STK32B: variants seen among roughly 807,000 people sequenced by gnomAD.
The protein encoded by STK32B is serine/threonine-protein kinase 32B.
A neutral mutation model predicts 52.6 loss-of-function variants in STK32B; 43 were observed. The observed-to-expected ratio is 0.82, with a 90% CI of 0.64 to 1.05. STK32B has a LOEUF of 1.05. Ranked by LOEUF, STK32B falls within the 50% of genes least tolerant of loss-of-function variation. The probability of loss-of-function intolerance (pLI) is 0.00; values close to 1 mark genes in which losing one functional copy is unlikely to be tolerated. For missense variants in STK32B, 621 were observed against 534.6 expected (o/e 1.16, Z -1.59); for synonymous variants, 238 against 204.3 (o/e 1.17, Z -1.41).
chr4:5,341,103 A>G (rs1733045524), intron 4 of STK32B, among the ~76,000 whole-genome samples: 1 of 152,204 alleles, frequency 6.6e-6, no homozygotes, highest in Non-Finnish European at 1.5e-5. Context: ...CAGAATGCTC[A>G]TAGAGTGAGT....
At chr4:5,458,378 C>T (rs1042230189) in intron 8 of STK32B, among the ~76,000 whole-genome samples, 1 of 152,164 alleles carries the variant, frequency 6.6e-6, no homozygotes, top group African/African-American at 2.4e-5. Context: ...GCGTTCTGGG[C>T]CATACGATGG....
intron 4 of STK32B, among the ~76,000 whole-genome samples, chr4:5,358,716 CACACACAGGCACACAA>C (rs1408434941): frequency 1.3e-5 from 2 of 152,076 alleles, no homozygotes; most frequent in Non-Finnish European, 2.9e-5. Context: ...CACACACACA[CACACACAGGCACACAA>C]AGGCACACAG....
intron 11 of STK32B, among the ~76,000 whole-genome samples, chr4:5,475,228 T>A (rs572720422): frequency 6.6e-6 from 1 of 152,100 alleles, no homozygotes; most frequent in South Asian, 2.1e-4. Flanking sequence ...AAGACCAGCC[T>A]GGCCAACATG....
rs57124781 is a variant in STK32B at position 5,312,437 on chromosome 4, C to T, written c.261-18783C>T. 1.2e-4 allele frequency among the ~76,000 whole-genome samples: 18 copies of T among 149,328 alleles called. 1 individual carries two copies. Among genetic ancestry groups the T allele is most frequent in the Admixed American group, 6.0e-4 (9 of 14,952 alleles). ...TATCTCCTAATGCTATCCCTCCCCC[C>T]TCCCCACACCCCACAACAGTCCCCA... On this transcript the variant is annotated intron_variant, in intron 3 of 11. Transcript: ENST00000282908.
chr4:5,154,086 T>A (rs940204906), intron 2 of STK32B, among the ~76,000 whole-genome samples: 1 of 152,152 alleles, frequency 6.6e-6, no homozygotes, highest in Non-Finnish European at 1.5e-5. Context: ...AATATCAAGA[T>A]GTACTGTGAA....
chr4:5,043,030 C>T, the STK32B span, among the ~76,000 whole-genome samples: 2 of 149,840 alleles, frequency 1.3e-5, no homozygotes, highest in Non-Finnish European at 3.0e-5. Context: ...GGCGTGAACC[C>T]GGGAAGCGGA....
chr4:5,408,306 G>A (rs916769520), intron 5 of STK32B, among the ~76,000 whole-genome samples: 2 of 152,066 alleles, frequency 1.3e-5, no homozygotes, highest in Non-Finnish European at 2.9e-5. Context: ...GCCTGGGGGT[G>A]TTCTCATGAA....
chr4:5,303,627 A>G (rs1363903480), intron 3 of STK32B, among the ~76,000 whole-genome samples: 3 of 151,980 alleles, frequency 2.0e-5, no homozygotes, highest in Admixed American at 6.6e-5. Context: ...CTGTCACTCT[A>G]TGGGTTCTCT....
intron 1 of STK32B, among the ~76,000 whole-genome samples, chr4:5,062,195 C>T (rs989927349): frequency 1.3e-5 from 2 of 152,162 alleles, no homozygotes; most frequent in Non-Finnish European, 2.9e-5. Flanking sequence ...AACAGAGCTT[C>T]GTGAAGAAGC....
At chr4:5,239,779 A>G (rs1220243500) in intron 3 of STK32B, among the ~76,000 whole-genome samples, 1 of 151,882 alleles carries the variant, frequency 6.6e-6, no homozygotes, top group Admixed American at 6.6e-5. Flanking sequence ...TTTTTCTGGA[A>G]TGAATGACTA....
chr4:5,040,100 T>C, the STK32B span, among the ~76,000 whole-genome samples: 21 of 152,292 alleles, frequency 1.4e-4, no homozygotes, highest in South Asian at 4.4e-3. Flanking sequence ...GGTGCATGTG[T>C]CATTTCTCAC....
intron 1 of STK32B, among the ~76,000 whole-genome samples, chr4:5,067,766 T>C (rs1742479201): frequency 6.6e-6 from 1 of 152,134 alleles, no homozygotes; most frequent in African/African-American, 2.4e-5. Context: ...TTCTGCAGGC[T>C]GTACAGGAAG....
At chr4:5,442,656 G>A (rs369595999) in intron 6 of STK32B, among the ~76,000 whole-genome samples, 4,361 of 152,062 alleles carry the variant, frequency 0.029, 73 homozygotes, top group South Asian at 0.085. Flanking sequence ...GATGATGTTA[G>A]CTGGTTATTT....
At chr4:5,196,646 G>A (rs796166491) in intron 3 of STK32B, among the ~76,000 whole-genome samples, 9 of 151,928 alleles carry the variant, frequency 5.9e-5, no homozygotes, top group Non-Finnish European at 2.9e-5. Context: ...GCTTGAACCC[G>A]GGAGGCGGAG....
chr4:5,456,311 C>T (rs1716515748), intron 7 of STK32B, among the ~76,000 whole-genome samples: 1 of 152,234 alleles, frequency 6.6e-6, no homozygotes, highest in Non-Finnish European at 1.5e-5. Context: ...GGCTGGGGTC[C>T]TCCCATCCCT....
intron 1 of STK32B, among the ~76,000 whole-genome samples, chr4:5,084,566 T>G (rs754245626): frequency 7.2e-5 from 11 of 152,244 alleles, no homozygotes; most frequent in Non-Finnish European, 1.3e-4. Flanking sequence ...ATCTTCAGAA[T>G]GCTTGAGTTA....
rs575858347 is a variant in STK32B, at chr4:5,067,752, A to T, written c.52+15837A>T. Among the ~76,000 whole-genome samples the T allele has an allele frequency of 3.2e-4, 49 of 152,268 alleles. 1 individual carries two copies. The South Asian group carries it at 0.01, about 32-fold the overall frequency. The stretch of plus-strand genomic sequence containing the variant: ...TAAATAAAAGAGGTCTAATTGGCTC[A>T]TGGTTCTGCAGGCTGTACAGGAAGC... On this transcript the variant is annotated intron_variant, in intron 1 of 11. Coordinates refer to ENST00000282908, the MANE Select transcript of STK32B (RefSeq NM_018401.3).
chr4:5,414,786 G>A lies in STK32B; in HGVS notation c.473-2059G>A, dbSNP rs184854823. Among the ~76,000 whole-genome samples the A allele has an allele frequency of 8.9e-4, 136 of 152,326 alleles. 1 individual carries two copies. The highest frequency in any genetic ancestry group is 1.4e-3 in the Non-Finnish European group (92 of 68,036). On this transcript the variant is annotated intron_variant, in intron 5 of 11. Transcript: ENST00000282908. ...GATGAATTGTGTGATTGATTACATG[G>A]GGGTGGGAGAGACATTGAGGGGCTT...
At chr4:5,264,416 T>G (rs1006437920) in intron 3 of STK32B, among the ~76,000 whole-genome samples, 2 of 152,120 alleles carry the variant, frequency 1.3e-5, no homozygotes, top group African/African-American at 4.8e-5. Flanking sequence ...TTAATCTAAT[T>G]ATTAGTATTT....
Sources: allele counts gnomAD v4.1 joint callset (sites outside exome capture counted in the v4.1 genomes callset), GRCh38; gene constraint gnomAD v4.1.1; transcripts MANE v1.5; gene names NCBI Gene and HGNC (gene_info 2026-07-23, HGNC 2026-07-21).